The following KCNT2 variants were observed in gnomAD, a reference collection of about 807,000 sequenced individuals.
KCNT2 encodes the protein potassium sodium-activated channel subfamily T member 2.
In KCNT2, 67 loss-of-function variants were observed where a neutral mutation model predicts 153.8. The ratio of observed to expected loss-of-function variants is 0.44; its 90% CI spans 0.36 to 0.53. The LOEUF is 0.53. KCNT2 is among the 20% of genes least tolerant of loss of function. KCNT2 has a pLI of 0.00. For missense variants in KCNT2, 975 were observed against 1,354.8 expected, an observed-to-expected ratio of 0.72 and a Z score of 4.40; for synonymous variants, 500 against 458.8, an observed-to-expected ratio of 1.09 and a Z score of -1.15.
At chr1:196,423,190 T>G (rs1211737280) in intron 11 of KCNT2, 77 bp from the exon 12 acceptor site, 1 of 927,216 alleles carries the variant, frequency 1.1e-6, no homozygotes, top group African/African-American at 1.7e-5. Flanking sequence ...ATTTCAGTCT[T>G]GAGTCCATAT....
chr1:196,361,999 G>A (rs1411391085), intron 14 of KCNT2, among the ~76,000 whole-genome samples: 1 of 151,940 alleles, frequency 6.6e-6, no homozygotes, highest in Non-Finnish European at 1.5e-5. Flanking sequence ...CACCTAAGGA[G>A]GAGGGTGATG....
intron 1 of KCNT2, among the ~76,000 whole-genome samples, chr1:196,571,079 C>G (rs1006003764): frequency 7.2e-5 from 11 of 152,074 alleles, no homozygotes; most frequent in African/African-American, 1.2e-4. Context: ...GAAATCTTTA[C>G]TTATTTTGTA....
At chr1:196,327,810 G>A (rs1475097463) in intron 18 of KCNT2, among the ~76,000 whole-genome samples, 1 of 151,772 alleles carries the variant, frequency 6.6e-6, no homozygotes. Context: ...GGGACTACAG[G>A]TGGGCACCAG....
chr1:196,602,091 G>C (rs1051012688), intron 1 of KCNT2, among the ~76,000 whole-genome samples: 3 of 151,876 alleles, frequency 2.0e-5, no homozygotes, highest in African/African-American at 7.3e-5. Context: ...TGTCTTTCTG[G>C]ATAATTATTT....
intron 22 of KCNT2, among the ~76,000 whole-genome samples, chr1:196,303,733 G>A (rs1661389875): frequency 2.0e-5 from 3 of 152,068 alleles, no homozygotes; most frequent in Admixed American, 1.3e-4. Flanking sequence ...CCAAGGCTAC[G>A]AAATAATTTA....
chr1:196,468,207 C>A (rs1011345024), intron 6 of KCNT2, among the ~76,000 whole-genome samples: 3 of 151,976 alleles, frequency 2.0e-5, no homozygotes, highest in Non-Finnish European at 4.4e-5. Context: ...AGCGACATTG[C>A]GGAGCTATGT....
At chr1:196,415,341 T>C (rs1278060675) in intron 12 of KCNT2, among the ~76,000 whole-genome samples, 2 of 151,856 alleles carry the variant, frequency 1.3e-5, no homozygotes, top group African/African-American at 2.4e-5. Flanking sequence ...AGACATAATG[T>C]AGTGTTTGCA....
At chr1:196,597,003 C>G (rs963876678) in intron 1 of KCNT2, among the ~76,000 whole-genome samples, 6 of 152,050 alleles carry the variant, frequency 3.9e-5, no homozygotes, top group African/African-American at 1.4e-4. Flanking sequence ...CCAGCCCTTA[C>G]AAAGTCTTAA....
chr1:196,257,473 T>G, intron 26 of KCNT2: 1 of 977,896 alleles, frequency 1.0e-6, no homozygotes, highest in Admixed American at 6.1e-5. Context: ...CATATTTATA[T>G]ACGTAAAATA....
At chr1:196,367,515 G>A (rs1380569976) in intron 14 of KCNT2, among the ~76,000 whole-genome samples, 3 of 152,112 alleles carry the variant, frequency 2.0e-5, no homozygotes, top group Non-Finnish European at 4.4e-5. Context: ...GTAAATATAT[G>A]TGTAGATGTA....
chr1:196,598,924 T>C (rs1360771481), intron 1 of KCNT2, among the ~76,000 whole-genome samples: 1 of 152,250 alleles, frequency 6.6e-6, no homozygotes, highest in Non-Finnish European at 1.5e-5. Flanking sequence ...TTATCATACA[T>C]TTTCACCTTA....
intron 12 of KCNT2, among the ~76,000 whole-genome samples, chr1:196,399,239 C>T (rs139775898): frequency 5.3e-5 from 8 of 151,518 alleles, no homozygotes; most frequent in African/African-American, 1.4e-4. Context: ...ATGCTTAACA[C>T]GAACTCCTTT....
At chr1:196,350,113 A>G (rs1217576339) in intron 14 of KCNT2, among the ~76,000 whole-genome samples, 2 of 152,082 alleles carry the variant, frequency 1.3e-5, no homozygotes, top group African/African-American at 4.8e-5. Flanking sequence ...TCATTATTGG[A>G]CATTTGGGTT....
intron 1 of KCNT2, among the ~76,000 whole-genome samples, chr1:196,555,608 A>C (rs968750906): frequency 1.3e-5 from 2 of 151,178 alleles, no homozygotes; most frequent in Admixed American, 1.3e-4. Flanking sequence ...ATGCCATCCC[A>C]ATTAAAATAC....
intron 8 of KCNT2, among the ~76,000 whole-genome samples, chr1:196,444,833 T>A (rs966216791): frequency 6.6e-6 from 1 of 151,328 alleles, no homozygotes; most frequent in Non-Finnish European, 1.5e-5. Context: ...TTGTGAGTGG[T>A]TCCTACTGCC....
intron 6 of KCNT2, among the ~76,000 whole-genome samples, chr1:196,468,124 T>C (rs1366856790): frequency 6.6e-6 from 1 of 152,098 alleles, no homozygotes; most frequent in Non-Finnish European, 1.5e-5. Context: ...AGGTATTAAG[T>C]AGGAACAAAG....
At chr1:196,349,813 C>T (rs542668658) in intron 14 of KCNT2, among the ~76,000 whole-genome samples, 84 of 151,894 alleles carry the variant, frequency 5.5e-4, no homozygotes, top group Admixed American at 2.5e-3. Flanking sequence ...CCCATTAACT[C>T]GTCATTTAGC....
intron 25 of KCNT2, among the ~76,000 whole-genome samples, chr1:196,274,129 A>T (rs755961143): frequency 6.6e-5 from 10 of 151,540 alleles, no homozygotes; most frequent in Non-Finnish European, 1.3e-4. Context: ...AAATATTCTG[A>T]GCTTTCATAT....
At position 196,552,562 on chromosome 1, in the gene KCNT2, GAAA is replaced by G. The variant is rs1430425598; in HGVS notation, c.95+55650_95+55652del. ...GAAAGGAAAGGATGTTAATAAGCAA[GAAA>G]AGATCATCTGAAGGTATAAAACTCA... On this transcript the variant is annotated intron_variant, in intron 1 of 27. Transcript: ENST00000294725. Among the ~76,000 whole-genome samples the G allele has an allele frequency of 4.8e-4, 72 of 151,396 alleles. 1 individual carries two copies. Among genetic ancestry groups the G allele is most frequent in the African/African-American group, 1.6e-3 (66 of 41,434 alleles).
Sources: allele counts gnomAD v4.1 joint callset (sites outside exome capture counted in the v4.1 genomes callset), GRCh38; gene constraint gnomAD v4.1.1; transcripts MANE v1.5; gene names NCBI Gene and HGNC (gene_info 2026-07-23, HGNC 2026-07-21).